The following TFCP2L1 variants were observed in gnomAD, a reference collection of about 807,000 sequenced individuals.
The protein encoded by TFCP2L1 is transcription factor CP2 like 1, also known as transcription factor CP2-like protein 1.
In TFCP2L1, 12 loss-of-function variants were observed where a neutral mutation model predicts 72.2. That is an observed-to-expected ratio of 0.17 (90% CI 0.11 to 0.27). The LOEUF is 0.27. Ranked by LOEUF, TFCP2L1 falls within the 10% of genes least tolerant of loss-of-function variation. TFCP2L1 has a pLI of 1.00. For missense variants in TFCP2L1, 488 were observed against 624.6 expected, an observed-to-expected ratio of 0.78 and a Z score of 2.33; for synonymous variants, 260 against 251.0, an observed-to-expected ratio of 1.04 and a Z score of -0.34.
intron 6 of TFCP2L1, among the ~76,000 whole-genome samples, chr2:121,244,665 G>A (rs1243694109): frequency 4.6e-5 from 7 of 152,114 alleles, no homozygotes; most frequent in African/African-American, 1.7e-4. Flanking sequence ...TGGGGGTGGA[G>A]ATGCCTACCT....
At chr2:121,232,106 CTTTTT>C (rs1352291503) in intron 12 of TFCP2L1, 138 bp from the exon 13 acceptor site, 5 of 747,582 alleles carry the variant, frequency 6.7e-6, no homozygotes, top group South Asian at 6.5e-5. Context: ...CACTGCCACT[CTTTTT>C]GTTTTGTTTT....
At chr2:121,250,482 G>A (rs957012683) in intron 2 of TFCP2L1, among the ~76,000 whole-genome samples, 2 of 151,254 alleles carry the variant, frequency 1.3e-5, no homozygotes, top group Non-Finnish European at 2.9e-5. Context: ...TAACTCAAAT[G>A]ATGCCAATTT....
chr2:121,275,919 G>A (rs6756142), intron 2 of TFCP2L1, among the ~76,000 whole-genome samples: 9,534 of 152,174 alleles, frequency 0.063, 752 homozygotes, highest in East Asian at 0.3. Context: ...TAAATTATTG[G>A]GAACGGCTAA....
At chr2:121,233,754 T>C (rs1686190306) in intron 12 of TFCP2L1, among the ~76,000 whole-genome samples, 1 of 152,204 alleles carries the variant, frequency 6.6e-6, no homozygotes, top group African/African-American at 2.4e-5. Context: ...AGGAGCTGCA[T>C]CAGGAGCAGT....
At chr2:121,229,907 C>T (rs2104663500) in intron 13 of TFCP2L1, among the ~76,000 whole-genome samples, 1 of 152,320 alleles carries the variant, frequency 6.6e-6, no homozygotes, top group South Asian at 2.1e-4. Flanking sequence ...CTCAGTATCA[C>T]CAGGTCAGGA....
intron 2 of TFCP2L1, among the ~76,000 whole-genome samples, chr2:121,269,918 A>AAAAAAAAAAAAAAAAAAAAAATATATAT: frequency 8.7e-6 from 1 of 115,180 alleles, no homozygotes; most frequent in Admixed American, 9.2e-5. Context: ...AAAAAAAAAA[A>AAAAAAAAAAAAAAAAAAAAAATATATAT]ATATATATAT....
intron 2 of TFCP2L1, among the ~76,000 whole-genome samples, chr2:121,273,399 T>C (rs1687084672): frequency 6.6e-6 from 1 of 152,198 alleles, no homozygotes; most frequent in Admixed American, 6.5e-5. Context: ...CTTTGGCCAC[T>C]GACAAAGAGG....
chr2:121,276,547 C>T (rs1427331207), intron 2 of TFCP2L1, among the ~76,000 whole-genome samples: 1 of 151,584 alleles, frequency 6.6e-6, no homozygotes, highest in African/African-American at 2.4e-5. Flanking sequence ...GTAGGAGGAT[C>T]CCCTGAGCCC....
rs781415889 is a variant in TFCP2L1 at position 121,285,125 on chromosome 2, C to T, written c.-16G>A. 1 of 1,486,942 alleles carries T rather than the reference C, an allele frequency of 6.7e-7. No homozygotes were observed. The highest frequency in any genetic ancestry group is 9.0e-7 in the Non-Finnish European group (1 of 1,116,848). 92.1% of individuals were successfully genotyped at this position (1,486,942 alleles called of 1,614,324 possible). ...AGAAGAGCATGGCTGGAACTCCCAG[C>T]GCGCCGACCGGGGCGCGGCAGCAAG... On this transcript the variant is annotated 5_prime_UTR_variant, in exon 1 of 15. Coordinates refer to ENST00000263707, the MANE Select transcript of TFCP2L1 (RefSeq NM_014553.3).
intron 6 of TFCP2L1, among the ~76,000 whole-genome samples, chr2:121,243,258 C>G (rs1686414994): frequency 6.6e-6 from 1 of 152,222 alleles, no homozygotes; most frequent in Non-Finnish European, 1.5e-5. Flanking sequence ...GTTTTACTAC[C>G]CACACAGCAG....
chr2:121,239,373 C>T (rs966616521), intron 8 of TFCP2L1, among the ~76,000 whole-genome samples, 185 bp downstream of exon 8: 7 of 152,336 alleles, frequency 4.6e-5, no homozygotes, highest in East Asian at 1.9e-4. Context: ...CACCCGACAA[C>T]GTTTACAGGG....
At chr2:121,244,090 C>T (rs1262877520) in intron 6 of TFCP2L1, among the ~76,000 whole-genome samples, 1 of 152,136 alleles carries the variant, frequency 6.6e-6, no homozygotes, top group Non-Finnish European at 1.5e-5. Flanking sequence ...CACGACCTGG[C>T]TTCCCTGCTC....
intron 2 of TFCP2L1, among the ~76,000 whole-genome samples, chr2:121,253,089 G>A (rs890423508): frequency 6.6e-5 from 10 of 152,190 alleles, no homozygotes; most frequent in African/African-American, 2.2e-4. Flanking sequence ...AGAGCCACAC[G>A]GCACCATGTT....
chr2:121,252,826 A>G (rs949715977), intron 2 of TFCP2L1, among the ~76,000 whole-genome samples: 1 of 152,214 alleles, frequency 6.6e-6, no homozygotes, highest in African/African-American at 2.4e-5. Context: ...CAGCCACAGA[A>G]AACAAATACA....
chr2:121,284,721 G>C (rs888823213), intron 1 of TFCP2L1, among the ~76,000 whole-genome samples: 6 of 152,192 alleles, frequency 3.9e-5, no homozygotes, highest in African/African-American at 1.4e-4. Flanking sequence ...GGAGAGGAGG[G>C]CCGCAGGGGG....
intron 2 of TFCP2L1, among the ~76,000 whole-genome samples, chr2:121,252,799 G>A (rs1249013300): frequency 6.6e-6 from 1 of 152,204 alleles, no homozygotes; most frequent in African/African-American, 2.4e-5. Flanking sequence ...TAACACGTTT[G>A]TAGCAACTTG....
chr2:121,237,499 T>G (rs1338911649), intron 10 of TFCP2L1, 124 bp downstream of exon 10: 1 of 1,129,748 alleles, frequency 8.9e-7, no homozygotes, highest in Non-Finnish European at 1.3e-6. Flanking sequence ...GAACCCACAC[T>G]ATCTCGGGTC....
intron 13 of TFCP2L1, 25 bp downstream of exon 13, chr2:121,231,801 G>A (rs752174913): frequency 2.7e-5 from 43 of 1,610,110 alleles, no homozygotes; most frequent in Non-Finnish European, 3.6e-5. Context: ...CCCGTTGTCG[G>A]GGCAGGCCAG....
intron 2 of TFCP2L1, among the ~76,000 whole-genome samples, chr2:121,273,867 T>C (rs1411102704): frequency 6.6e-6 from 1 of 152,048 alleles, no homozygotes; most frequent in African/African-American, 2.4e-5. Flanking sequence ...CCAAGGCGGG[T>C]GGATCACCTG....
Sources: gnomAD v4.1 joint callset for allele counts (sites outside exome capture counted in the v4.1 genomes callset) on GRCh38, gnomAD v4.1.1 for gene constraint, MANE v1.5 for transcripts, NCBI Gene and HGNC (gene_info 2026-07-23, HGNC 2026-07-21) for gene names.